Variants in NALCN observed in about 807,000 individuals in gnomAD.
NALCN encodes sodium leak channel NALCN.
In NALCN, 111 loss-of-function variants were observed where a neutral mutation model predicts 225.3. The ratio of observed to expected loss-of-function variants is 0.49; its 90% CI spans 0.42 to 0.58. The LOEUF is 0.58. Ranked by LOEUF, NALCN falls within the 20% of genes least tolerant of loss-of-function variation. The pLI, the probability that NALCN is intolerant of heterozygous loss-of-function variation, is 0.00. For missense variants in NALCN, 1,378 were observed against 2,202.4 expected (o/e 0.63, Z 7.49); for synonymous variants, 764 against 769.0 (o/e 0.99, Z 0.11).
At chr13:101,346,087 C>CTCTCTCTCTCTCTCTATATATATATATA in intron 6 of NALCN, among the ~76,000 whole-genome samples, 21 of 70,966 alleles carry the variant, frequency 3.0e-4, no homozygotes, top group South Asian at 5.5e-4. Context: ...CTCTCTCTCT[C>CTCTCTCTCTCTCTCTATATATATATATA]TATATATATA....
chr13:101,126,945 G>C (rs1207328053), intron 17 of NALCN, among the ~76,000 whole-genome samples: 1 of 152,152 alleles, frequency 6.6e-6, no homozygotes, highest in Non-Finnish European at 1.5e-5. Flanking sequence ...AACACACATA[G>C]TCCTGAGACA....
In NALCN at chr13:101,058,013, C is replaced by G. The variant is rs970102740; in HGVS notation, c.4949G>C (p.Arg1650Pro). The G allele has an allele frequency of 8.7e-6, 14 of 1,613,632 alleles. No homozygotes were observed. In the Admixed American group the frequency reaches 1.3e-4, roughly 15 times the overall value. Residue 1650 changes from arginine (R) to proline (P), a missense_variant, in exon 43 of 44, where the codon CGA becomes CCA. Physicochemically the swap from Arg to Pro is moderately radical, Grantham distance 103 (BLOSUM62 -2). Coordinates refer to ENST00000251127, the MANE Select transcript of NALCN (RefSeq NM_052867.4). ...QQLLSPTLSD[R>P]GGSRQDAADA... ...GGCTGCATCTTGCCGACTTCCTCCT[C>G]GATCCGACAGCGTGGGGCTCAGGAG... is the stretch of plus-strand genomic sequence containing the variant.
intron 22 of NALCN, among the ~76,000 whole-genome samples, chr13:101,106,103 G>C (rs1188374793): frequency 6.6e-6 from 1 of 152,166 alleles, no homozygotes; most frequent in African/African-American, 2.4e-5. Flanking sequence ...GGAAAACCCT[G>C]TTCCAGGGCT....
intron 18 of NALCN, 56 bp downstream of exon 18, chr13:101,124,552 T>C: frequency 1.4e-6 from 2 of 1,452,476 alleles, no homozygotes; most frequent in Non-Finnish European, 1.9e-6. Flanking sequence ...AAGCTATTTT[T>C]CGATTAATAT....
intron 10 of NALCN, among the ~76,000 whole-genome samples, chr13:101,279,761 G>C (rs2043090382): frequency 1.3e-5 from 2 of 149,010 alleles, no homozygotes; most frequent in Non-Finnish European, 3.0e-5. Flanking sequence ...AGCTTGCAGT[G>C]AGCCGAGATC....
At chr13:101,407,984 GTC>G (rs530936603) in intron 1 of NALCN, among the ~76,000 whole-genome samples, 1 of 152,160 alleles carries the variant, frequency 6.6e-6, no homozygotes, top group African/African-American at 2.4e-5. Context: ...TGAGGTAAGT[GTC>G]TCTCTCTCTG....
chr13:101,216,064 G>A (rs895040383), intron 13 of NALCN, among the ~76,000 whole-genome samples: 15 of 152,028 alleles, frequency 9.9e-5, no homozygotes, highest in African/African-American at 3.6e-4. Flanking sequence ...TATCATGGGG[G>A]ACAGCTTAGA....
intron 13 of NALCN, among the ~76,000 whole-genome samples, chr13:101,225,405 T>A (rs1337632721): frequency 1.3e-5 from 2 of 152,180 alleles, no homozygotes; most frequent in Non-Finnish European, 2.9e-5. Flanking sequence ...TCATCCAGTA[T>A]GTTAGAAAAA....
At chr13:101,316,837 T>A (rs1015688874) in intron 7 of NALCN, among the ~76,000 whole-genome samples, 3 of 152,176 alleles carry the variant, frequency 2.0e-5, no homozygotes, top group African/African-American at 7.2e-5. Flanking sequence ...TAGATTATCA[T>A]AGAACAGATT....
At chr13:101,302,829 C>G (rs1283885232) in intron 7 of NALCN, among the ~76,000 whole-genome samples, 1 of 151,578 alleles carries the variant, frequency 6.6e-6, no homozygotes, top group African/African-American at 2.4e-5. Context: ...TATCCACATT[C>G]TTCAGTAAGC....
intron 2 of NALCN, among the ~76,000 whole-genome samples, chr13:101,396,130 TG>T (rs2047285918): frequency 6.6e-6 from 1 of 152,146 alleles, no homozygotes; most frequent in Non-Finnish European, 1.5e-5. Flanking sequence ...CAGGCATGTC[TG>T]CTGTCTGAAG....
intron 26 of NALCN, among the ~76,000 whole-genome samples, chr13:101,102,552 CTTG>C (rs905494174): frequency 1.3e-5 from 2 of 152,248 alleles, no homozygotes; most frequent in South Asian, 2.1e-4. Flanking sequence ...GAGCCTCTTT[CTTG>C]TTGTTTTATC....
Position 101,129,253 on chromosome 13 carries a change from T to C in NALCN, c.2119-4572A>G, listed in dbSNP as rs113857574. Among the ~76,000 whole-genome samples, 51 of 152,368 alleles carry C rather than the reference T, an allele frequency of 3.3e-4. 1 individual carries two copies. The highest frequency in any genetic ancestry group is 1.2e-3 in the African/African-American group (49 of 41,592). On this transcript the variant is annotated intron_variant, in intron 17 of 43. Transcript: ENST00000251127. ...ATGCTTGATTATCGACTTTTACTTA[T>C]TAATTTTACATGGTTGATTTTCTAT...
At chr13:101,157,073 A>G (rs1471368449) in intron 15 of NALCN, among the ~76,000 whole-genome samples, 1 of 152,188 alleles carries the variant, frequency 6.6e-6, no homozygotes, top group Non-Finnish European at 1.5e-5. Flanking sequence ...TATATACTGC[A>G]CTCATGTCCC....
Position 101,399,099 on chromosome 13 carries a change from C to A in NALCN, c.28G>T (p.Val10Leu). Reference sequence around the variant, plus strand: ...AAGTCAGTGACTGGCTGGGCTTCCACCCTGGAACTCTGCTTCCTTTTGAGC... The same window carrying A: ...AAGTCAGTGACTGGCTGGGCTTCCAACCTGGAACTCTGCTTCCTTTTGAGC... MLKRKQSSR[V>L]EAQPVTDFGP... is the part of the protein sequence containing the mutation. Residue 10 changes from valine to leucine, a missense_variant, in exon 2 of 44, where the codon GTG (valine) becomes TTG (leucine). Around this residue, in one of 19 missense-constraint regions of NALCN, gnomAD observed 146 missense variants for 205.9 expected, o/e 0.71. Coordinates refer to ENST00000251127, the MANE Select transcript of NALCN (RefSeq NM_052867.4). 6.2e-7 allele frequency: 1 copy of A among 1,613,484 alleles called. No homozygotes were observed. Among genetic ancestry groups the A allele is most frequent in the Non-Finnish European group, 8.5e-7 (1 of 1,179,566 alleles).
chr13:101,241,756 T>G (rs1253569501), intron 11 of NALCN, among the ~76,000 whole-genome samples: 2 of 152,158 alleles, frequency 1.3e-5, no homozygotes, highest in African/African-American at 4.8e-5. Context: ...GATAACATTT[T>G]TGATCTGCCA....
intron 12 of NALCN, among the ~76,000 whole-genome samples, chr13:101,234,020 C>T (rs2041457224): frequency 6.6e-6 from 1 of 152,134 alleles, no homozygotes; most frequent in African/African-American, 2.4e-5. Flanking sequence ...CCTCAGACCT[C>T]CTTACAGTTT....
chr13:101,252,495 G>A (rs866043907), intron 11 of NALCN, among the ~76,000 whole-genome samples: 1 of 152,308 alleles, frequency 6.6e-6, no homozygotes, highest in Middle Eastern at 3.4e-3. Flanking sequence ...TCTGGGGGTG[G>A]AGTGGAATTG....
At chr13:101,097,023 A>C (rs898662551) in intron 27 of NALCN, among the ~76,000 whole-genome samples, 1 of 152,200 alleles carries the variant, frequency 6.6e-6, no homozygotes, top group Non-Finnish European at 1.5e-5. Flanking sequence ...GAAGCCCAGC[A>C]TCAAGCTTAG....
Sources: allele counts gnomAD v4.1 joint callset (sites outside exome capture counted in the v4.1 genomes callset), GRCh38; gene constraint gnomAD v4.1.1; regional missense constraint gnomAD v4.1.1; transcripts MANE v1.5; gene names NCBI Gene and HGNC (gene_info 2026-07-23, HGNC 2026-07-21).